Variants in RECQL4 observed in about 807,000 individuals in gnomAD.
RECQL4 encodes ATP-dependent DNA helicase Q4.
A neutral mutation model predicts 128.6 loss-of-function variants in RECQL4; 158 were observed. That is an observed-to-expected ratio of 1.23 (90% confidence interval 1.08 to 1.40). The LOEUF (loss-of-function observed/expected upper bound fraction) is 1.40. Among genes scored for constraint, RECQL4 ranks in the 40% most tolerant of loss-of-function variants. RECQL4 has a pLI of 0.00. For missense variants in RECQL4, 2,293 were observed against 1,649.8 expected, an observed-to-expected ratio of 1.39 and a Z score of -6.75; for synonymous variants, 996 against 678.9, an observed-to-expected ratio of 1.47 and a Z score of -7.26.
chr8:144,516,120 A>G lies in RECQL4; in HGVS notation c.999T>C (p.Ala333=), dbSNP rs368084547. 2.5e-5 allele frequency: 41 copies of G among 1,612,906 alleles called. No individual in the cohort carries two copies. The highest frequency in any genetic ancestry group is 3.3e-5 in the Non-Finnish European group (39 of 1,179,886). The change falls in exon 5 of 21, where the codon GCT becomes GCC. Residue 333 remains alanine, a synonymous_variant. Transcript: ENST00000617875. ...AGATGTGCAGGGGGGCTGTGCCCTC[A>G]GCCTTCCCAGCCCTAGCTTGACTGG... The part of the protein sequence containing the change: ...SPSSQARAGK[A]EGTAPLHIFP...
rs1436956816 is a variant in RECQL4, at chr8:144,513,568, C to T, written c.2200+3G>A. The T allele has an allele frequency of 5.0e-6, 8 of 1,610,698 alleles. No homozygotes were observed. In the African/African-American group the frequency reaches 5.3e-5, roughly 11 times the overall value. On this transcript the variant is annotated splice_donor_region_variant and intron_variant, in intron 13 of 20. Transcript: ENST00000617875. ...GGGGACACCAGCTCTGTCCATGCCG[C>T]ACCTCCAGACCCTGGGACCCAGGCT...
chr8:144,512,304 C>A lies in RECQL4; in HGVS notation c.3076G>T (p.Val1026Leu), dbSNP rs370954099. 1.9e-6 allele frequency: 3 copies of A among 1,612,346 alleles called. No individual in the cohort carries two copies. The African/African-American group carries it at 4.0e-5, about 22-fold the overall frequency. The change falls in exon 18 of 21, where the codon GTG becomes TTG. Residue 1026 changes from valine to leucine, a missense_variant. Transcript: ENST00000617875. ...PRTGVRRGTG[V>L]LVEFSELAFH... ...GCCAGCTCACTGAACTCCACAAGCA[C>A]CCCTGTCCCACGCCGCACACCTGCC...
rs2130722811 is a variant in RECQL4, at chr8:144,516,361, TG to T, written c.757del (p.Gln253SerfsTer40). The T allele has an allele frequency of 1.2e-6, 2 of 1,610,090 alleles. No individual in the cohort carries two copies. ...CTTCTCGCCTCCACTGCTGCTGGGCTGGGGGCTCCCCACACGGATGCTGACT... is the reference window on the plus strand; with the variant it reads ...CTTCTCGCCTCCACTGCTGCTGGGCTGGGGCTCCCCACACGGATGCTGACT... The part of the protein sequence containing the change: ...QEVSIRVGSP[Q>X]PSSSGGEKRR... On this transcript the variant is annotated frameshift_variant, in exon 5 of 21. Transcript: ENST00000617875. LOFTEE classifies it high-confidence loss of function.
Position 144,515,815 on chromosome 8 carries a change from A to G in RECQL4, c.1207T>C (p.Cys403Arg), listed in dbSNP as rs754788578. 38 of 1,612,756 alleles carry G rather than the reference A, an allele frequency of 2.4e-5. No individual in the cohort carries two copies. The highest frequency in any genetic ancestry group is 3.1e-5 in the Non-Finnish European group (36 of 1,179,800). The change falls in exon 6 of 21, where the codon TGT (cysteine) becomes CGT (arginine). Residue 403 changes from cysteine to arginine, a missense_variant. Physicochemically the swap from Cys to Arg is radical, Grantham distance 180. Transcript: ENST00000617875. ...TGATCGAACTGCTCGTTCAGGAAACAAGACTCCTTGGTTGTGACTGTGGCA... is the reference window on the plus strand; with the variant it reads ...TGATCGAACTGCTCGTTCAGGAAACGAGACTCCTTGGTTGTGACTGTGGCA... ...GGATVTTKES[C>R]FLNEQFDHWA...
Position 144,513,556 on chromosome 8 carries a change from C to T in RECQL4, c.2200+15G>A, listed in dbSNP as rs142152932. 2.5e-4 allele frequency: 407 copies of T among 1,610,850 alleles called. 5 individuals carry two copies. The East Asian group carries it at 8.9e-3, about 35-fold the overall frequency. On this transcript the variant is annotated intron_variant, in intron 13 of 20. Coordinates refer to ENST00000617875, the MANE Select transcript of RECQL4 (RefSeq NM_004260.4). ...AGGTGGGTCCACGGGGACACCAGCT[C>T]TGTCCATGCCGCACCTCCAGACCCT...
Position 144,517,149 on chromosome 8 carries a change from A to C in RECQL4, c.255T>G (p.Ala85=), listed in dbSNP as rs1163167976. The change falls in exon 4 of 21, where the codon GCT becomes GCG. Residue 85 remains alanine (A), a synonymous_variant. Coordinates refer to ENST00000617875, the MANE Select transcript of RECQL4 (RefSeq NM_004260.4). The part of the protein sequence containing the change: ...PRCWGPHLNR[A]ATKSPQSTPG... ...GCGTAGACTGTGGACTCTTGGTCGC[A>C]GCCCGATTCAGATGGGGCCCCCAGC... 1 of 1,610,702 alleles carries C rather than the reference A, an allele frequency of 6.2e-7. No individual in the cohort carries two copies. Among genetic ancestry groups the C allele is most frequent in the Non-Finnish European group, 8.5e-7 (1 of 1,179,336 alleles).
chr8:144,511,334 G>T lies in RECQL4; in HGVS notation c.*97C>A. ...TTATTCTGCATTTTGGAGCCTCCTCGTTCCCACACCCTGTGGCAGGTTTTG... is the reference window on the plus strand; with the variant it reads ...TTATTCTGCATTTTGGAGCCTCCTCTTTCCCACACCCTGTGGCAGGTTTTG... On this transcript the variant is annotated 3_prime_UTR_variant, in exon 21 of 21. Transcript: ENST00000617875. 1.3e-6 allele frequency: 2 copies of T among 1,573,478 alleles called. No homozygotes were observed. The highest frequency in any genetic ancestry group is 1.7e-6 in the Non-Finnish European group (2 of 1,155,082).
In RECQL4 at chr8:144,513,246, G is replaced by A. The variant is rs748117486; in HGVS notation, c.2435C>T (p.Ala812Val). Residue 812 changes from alanine to valine, a missense_variant, in exon 14 of 21, where the codon GCC becomes GTC. Transcript: ENST00000617875. ...GGGCTGCAGGAAGAGGTGGCAGTGG[G>A]CAGGCTGCCCGTCACGCCCGGCCCG... ...VGRAGRDGQP[A>V]HCHLFLQPQG... is the part of the protein sequence containing the mutation. The A allele has an allele frequency of 3.8e-6, 6 of 1,587,902 alleles. No homozygotes were observed. The highest frequency in any genetic ancestry group is 1.7e-5 in the Admixed American group (1 of 59,422).
intron 4 of RECQL4, 63 bp downstream of exon 4, chr8:144,516,987 G>A (rs1815193802): frequency 4.5e-6 from 7 of 1,555,834 alleles, no homozygotes; most frequent in South Asian, 3.5e-5. Flanking sequence ...AATGACAAGA[G>A]GGCGACCCGG....
At chr8:144,515,654 A>G (rs1272143855) in intron 6 of RECQL4, 110 bp downstream of exon 6, 2 of 1,478,112 alleles carry the variant, frequency 1.4e-6, no homozygotes. Context: ...TAGGGCCTGG[A>G]CCAGGGGTAC....
Position 144,515,871 on chromosome 8 carries a change from C to A in RECQL4, c.1151G>T (p.Arg384Leu), listed in dbSNP as rs376045624. 6.2e-7 allele frequency: 1 copy of A among 1,612,824 alleles called. No individual in the cohort carries two copies. Among genetic ancestry groups the A allele is most frequent in the African/African-American group, 1.3e-5 (1 of 74,922 alleles). The change falls in exon 6 of 21, where the codon CGG becomes CTG. Residue 384 changes from arginine to leucine, a missense_variant. Arg to Leu is a moderately radical substitution (Grantham distance 102). Transcript: ENST00000617875. ...ACCCCCAAAACACTCCCCTTTCTTC[C>A]GCCACTTCTGCTTCCATGCCTGGGG... ...LRKQAWKQKW[R>L]KKGECFGGGG...
rs141003954 is a variant in RECQL4 at position 144,513,791 on chromosome 8, C to CGTGGGCA, written c.2059-80_2059-79insTGCCCAC. 712 of 418,350 alleles carry CGTGGGCA rather than the reference C, an allele frequency of 1.7e-3. 8 individuals are homozygous for CGTGGGCA. The highest frequency in any genetic ancestry group is 4.0e-3 in the South Asian group (127 of 31,678). The allele number at this position is 418,350 out of a possible 1,614,324, so 25.9% of individuals were successfully genotyped here. ...GCAGTGGGGAGTGAGGAGGGGTCGGCGTGGGGAGTGAGGAGGGGTCGGCGT... is the reference window on the plus strand; with the variant it reads ...GCAGTGGGGAGTGAGGAGGGGTCGGCGTGGGCAGTGGGGAGTGAGGAGGGGTCGGCGT... On this transcript the variant is annotated intron_variant, in intron 12 of 20. Coordinates refer to ENST00000617875, the MANE Select transcript of RECQL4 (RefSeq NM_004260.4).
At chr8:144,512,366 G>C in intron 17 of RECQL4, 26 bp downstream of exon 17, 1 of 1,609,586 alleles carries the variant, frequency 6.2e-7, no homozygotes, top group Non-Finnish European at 8.5e-7. Flanking sequence ...AGCGTCCAGG[G>C]CGGTGTGGGG....
In RECQL4 at chr8:144,516,710, C is replaced by A. The variant is rs1328082539; in HGVS notation, c.409G>T (p.Ala137Ser). ...GTACCTGGGGGCTTTGGGGTGGATG[C>A]CTTAGATGAGGCTCTTCCTAGAGGC... ...PWPLGRASSK[A>S]STPKPPGTGP... is the part of the protein sequence containing the mutation. Residue 137 changes from alanine (A) to serine (S), a missense_variant, in exon 5 of 21, where the codon GCA becomes TCA. By Grantham distance (99) the Ala-to-Ser change is moderately conservative. Coordinates refer to ENST00000617875, the MANE Select transcript of RECQL4 (RefSeq NM_004260.4). 1.3e-6 allele frequency: 2 copies of A among 1,546,524 alleles called. No homozygotes were observed. Among genetic ancestry groups the A allele is most frequent in the East Asian group, 4.5e-5 (2 of 44,408 alleles).
Position 144,511,294 on chromosome 8 carries a change from C to A in RECQL4, c.*137G>T. 6.5e-7 allele frequency: 1 copy of A among 1,539,748 alleles called. No individual in the cohort carries two copies. Among genetic ancestry groups the A allele is most frequent in the Non-Finnish European group, 8.8e-7 (1 of 1,141,290 alleles). ...CATTGGCCAAGAGGGCCCATAAAAA[C>A]AAAGTGAGCATTTTTTATTCTGCAT... On this transcript the variant is annotated 3_prime_UTR_variant, in exon 21 of 21. Coordinates refer to ENST00000617875, the MANE Select transcript of RECQL4 (RefSeq NM_004260.4).
In RECQL4 at chr8:144,512,987, C is replaced by T. The variant is rs1827538570; in HGVS notation, c.2615G>A (p.Arg872Lys). The change falls in exon 15 of 21, where the codon AGG becomes AAG. Residue 872 changes from arginine to lysine, a missense_variant. Physicochemically the swap from Arg to Lys is conservative, Grantham distance 26. Coordinates refer to ENST00000617875, the MANE Select transcript of RECQL4 (RefSeq NM_004260.4). Reference sequence around the variant, plus strand: ...TTGAGGGGGGTACTTGGGCACAGGCCTCTCCCCACCCACGGCCCCTTCCTG... The same window carrying T: ...TTGAGGGGGGTACTTGGGCACAGGCTTCTCCCCACCCACGGCCCCTTCCTG... Reference protein sequence around the residue: ...SEQEGAVGGERPVPKYPPQEA... With the variant: ...SEQEGAVGGEKPVPKYPPQEA... The T allele has an allele frequency of 6.4e-7, 1 of 1,570,424 alleles. No individual in the cohort carries two copies. Among genetic ancestry groups the T allele is most frequent in the Non-Finnish European group, 8.6e-7 (1 of 1,158,430 alleles).
In RECQL4 at chr8:144,516,061, T is replaced by A; in HGVS notation, c.1058A>T (p.Tyr353Phe). The A allele has an allele frequency of 6.2e-7, 1 of 1,612,670 alleles. No individual in the cohort carries two copies. The highest frequency in any genetic ancestry group is 8.5e-7 in the Non-Finnish European group (1 of 1,179,840). The change falls in exon 5 of 21, where the codon TAC (tyrosine) becomes TTC (phenylalanine). Residue 353 changes from tyrosine to phenylalanine, a missense_variant. Transcript: ENST00000617875. ...TTTCTGCTTCATGTTGAGCCGTACGTAATTGCCCCTGTCATGGCGGGCCAG... is the reference window on the plus strand; with the variant it reads ...TTTCTGCTTCATGTTGAGCCGTACGAAATTGCCCCTGTCATGGCGGGCCAG... ...PRLARHDRGN[Y>F]VRLNMKQKHY...
Position 144,512,623 on chromosome 8 carries a change from C to T in RECQL4, c.2885+19G>A, listed in dbSNP as rs759319751. 16 of 1,611,486 alleles carry T rather than the reference C, an allele frequency of 9.9e-6. No homozygotes were observed. Among genetic ancestry groups the T allele is most frequent in the Non-Finnish European group, 1.3e-5 (15 of 1,179,096 alleles). The stretch of plus-strand genomic sequence containing the variant: ...CCTGATTCTCCAACCTCGTCTCCAA[C>T]TGGGCAGGGCGTGCTTACCTGTGGG... On this transcript the variant is annotated intron_variant, in intron 16 of 20. Coordinates refer to ENST00000617875, the MANE Select transcript of RECQL4 (RefSeq NM_004260.4).
At position 144,511,482 on chromosome 8, in the gene RECQL4, G is replaced by C. The variant is rs1586787251; in HGVS notation, c.3576C>G (p.Phe1192Leu). Residue 1192 changes from phenylalanine to leucine, a missense_variant, in exon 21 of 21, where the codon TTC (phenylalanine) becomes TTG (leucine). Physicochemically the swap from Phe to Leu is conservative, Grantham distance 22. Coordinates refer to ENST00000617875, the MANE Select transcript of RECQL4 (RefSeq NM_004260.4). ...CCGTGGCCAGGCCCACCAGGGCATG[G>C]AAGCTCAGGTGCAGGTATTTTCTCC... is the stretch of plus-strand genomic sequence containing the variant. ...RFWRKYLHLS[F>L]HALVGLATEE... 1 of 1,612,460 alleles carries C rather than the reference G, an allele frequency of 6.2e-7. No individual in the cohort carries two copies. The highest frequency in any genetic ancestry group is 1.3e-5 in the African/African-American group (1 of 74,926).
Sources: allele counts gnomAD v4.1 joint callset, GRCh38; gene constraint gnomAD v4.1.1; transcripts MANE v1.5; gene names NCBI Gene and HGNC (gene_info 2026-07-23, HGNC 2026-07-21).